The following COL5A2 variants were observed in gnomAD, a reference collection of about 807,000 sequenced individuals.
The protein encoded by COL5A2 is collagen type V alpha 2 chain.
A neutral mutation model predicts 208.2 loss-of-function variants in COL5A2; 23 were observed. That is an observed-to-expected ratio of 0.11 (90% CI 0.08 to 0.16). The LOEUF (loss-of-function observed/expected upper bound fraction) is 0.16. Ranked by LOEUF, COL5A2 falls within the 10% of genes least tolerant of loss-of-function variation. The pLI is 1.00. For missense variants in COL5A2, 1,590 were observed against 1,956.4 expected, an observed-to-expected ratio of 0.81 and a Z score of 3.53; for synonymous variants, 625 against 628.5, an observed-to-expected ratio of 0.99 and a Z score of 0.08.
chr2:189,201,075 CA>C (rs1689062660), intron 1 of COL5A2, among the ~76,000 whole-genome samples: 2 of 151,498 alleles, frequency 1.3e-5, no homozygotes, highest in African/African-American at 4.8e-5. Context: ...ATTTAAAAAA[CA>C]AAAAAGACTA....
At chr2:189,054,323 C>A (rs1685855515) in intron 35 of COL5A2, 111 bp from the exon 36 acceptor site, 1 of 794,860 alleles carries the variant, frequency 1.3e-6, no homozygotes, top group Non-Finnish European at 2.2e-6. Context: ...AATTTGGCTG[C>A]CTTTGCAAAT....
At chr2:189,194,909 T>C (rs1320980780) in intron 1 of COL5A2, among the ~76,000 whole-genome samples, 2 of 152,106 alleles carry the variant, frequency 1.3e-5, no homozygotes, top group Admixed American at 6.6e-5. Flanking sequence ...TTTACTGATT[T>C]GTGTATGTTG....
chr2:189,392,727 G>T, the COL5A2 span, among the ~76,000 whole-genome samples: 1 of 152,066 alleles, frequency 6.6e-6, no homozygotes, highest in Admixed American at 6.6e-5. Flanking sequence ...AGATGTGATA[G>T]GCACAGTAAA....
At chr2:189,214,342 A>G (rs1315575615) in intron 1 of COL5A2, among the ~76,000 whole-genome samples, 2 of 152,114 alleles carry the variant, frequency 1.3e-5, no homozygotes, top group African/African-American at 4.8e-5. Context: ...ATAAATTAAT[A>G]TAATGAAACT....
chr2:189,321,733 C>A, the COL5A2 span, among the ~76,000 whole-genome samples: 2 of 152,148 alleles, frequency 1.3e-5, no homozygotes, highest in African/African-American at 4.8e-5. Flanking sequence ...TGACGGCAGA[C>A]TTTAACACCC....
the COL5A2 span, among the ~76,000 whole-genome samples, chr2:189,399,251 GAT>G: frequency 1.5e-5 from 2 of 135,266 alleles, no homozygotes; most frequent in African/African-American, 2.9e-5. Context: ...TTTATTTTAC[GAT>G]TTTTTTTTTT....
At chr2:189,054,478 C>T (rs1270955869) in intron 35 of COL5A2, among the ~76,000 whole-genome samples, 3 of 152,132 alleles carry the variant, frequency 2.0e-5, no homozygotes, top group Admixed American at 1.3e-4. Flanking sequence ...TGTTTTCAGG[C>T]ATTAGCACTA....
chr2:189,391,903 C>T, the COL5A2 span, among the ~76,000 whole-genome samples: 7 of 151,996 alleles, frequency 4.6e-5, no homozygotes, highest in Non-Finnish European at 2.9e-5. Flanking sequence ...ACTAACTGTG[C>T]ATCTCAATAT....
intron 45 of COL5A2, among the ~76,000 whole-genome samples, chr2:189,046,399 A>G (rs574573595): frequency 1.3e-5 from 2 of 152,290 alleles, no homozygotes; most frequent in South Asian, 4.1e-4. Flanking sequence ...TCATTTTGTA[A>G]AAGAAAAGCA....
chr2:189,322,503 C>T, the COL5A2 span, among the ~76,000 whole-genome samples: 10 of 152,014 alleles, frequency 6.6e-5, 1 homozygote, highest in Middle Eastern at 6.3e-3. Context: ...ATATCACCAC[C>T]GATCCCACAG....
chr2:189,168,189 T>C (rs1215315863), intron 1 of COL5A2, among the ~76,000 whole-genome samples: 1 of 151,852 alleles, frequency 6.6e-6, no homozygotes, highest in Non-Finnish European at 1.5e-5. Flanking sequence ...TCCGCCCGTC[T>C]TGGCCTCCCA....
At chr2:189,111,169 C>G (rs1468734693) in intron 1 of COL5A2, among the ~76,000 whole-genome samples, 1 of 151,964 alleles carries the variant, frequency 6.6e-6, no homozygotes, top group Non-Finnish European at 1.5e-5. Context: ...ATATATTTGT[C>G]TAGTGCTTTT....
the COL5A2 span, among the ~76,000 whole-genome samples, chr2:189,319,720 T>C: frequency 6.6e-6 from 1 of 152,244 alleles, no homozygotes; most frequent in Admixed American, 6.5e-5. Context: ...GCCTGCTCTG[T>C]AGACTCCACC....
chr2:189,295,869 C>T, the COL5A2 span, among the ~76,000 whole-genome samples: 6 of 152,182 alleles, frequency 3.9e-5, no homozygotes, highest in East Asian at 1.2e-3. Flanking sequence ...AACATATGTT[C>T]CTGTGAAATC....
At chr2:189,311,572 C>A in the COL5A2 span, 1 of 1,242,494 alleles carries the variant, frequency 8.0e-7, no homozygotes, top group Non-Finnish European at 1.1e-6. Flanking sequence ...AGTGGGCCTC[C>A]ACCTCCCTCA....
chr2:189,232,357 A>G, the COL5A2 span, among the ~76,000 whole-genome samples: 91,111 of 151,418 alleles, frequency 0.6, 28,485 homozygotes, highest in East Asian at 0.72. Flanking sequence ...ACATCGGGTA[A>G]TAACATCTAT....
At chr2:189,130,409 G>A (rs1362857006) in intron 1 of COL5A2, among the ~76,000 whole-genome samples, 1 of 151,832 alleles carries the variant, frequency 6.6e-6, no homozygotes, top group East Asian at 1.9e-4. Flanking sequence ...CCTAATATGT[G>A]CTCAATTTAA....
At chr2:189,139,155 A>G (rs1687883916) in intron 1 of COL5A2, among the ~76,000 whole-genome samples, 1 of 152,156 alleles carries the variant, frequency 6.6e-6, no homozygotes, top group Non-Finnish European at 1.5e-5. Flanking sequence ...CACGTCTGTA[A>G]TCCCAGCACT....
intron 1 of COL5A2, among the ~76,000 whole-genome samples, chr2:189,128,666 G>A (rs1464817164): frequency 1.3e-5 from 2 of 151,880 alleles, no homozygotes; most frequent in Non-Finnish European, 2.9e-5. Context: ...AGCATCTCTA[G>A]TATTTTGATG....
Sources: gnomAD v4.1 joint callset for allele counts (sites outside exome capture counted in the v4.1 genomes callset) on GRCh38, gnomAD v4.1.1 for gene constraint, MANE v1.5 for transcripts, NCBI Gene and HGNC (gene_info 2026-07-23, HGNC 2026-07-21) for gene names.